The following MOGAT1 variants were observed in gnomAD, a reference collection of about 807,000 sequenced individuals.
MOGAT1 encodes 2-acylglycerol O-acyltransferase 1.
Under a neutral mutation model 31.4 loss-of-function variants are expected in MOGAT1, and 32 were observed. The observed-to-expected ratio is 1.02, with a 90% confidence interval of 0.77 to 1.37. The LOEUF is 1.37. Ranked by LOEUF, MOGAT1 falls within the 40% of genes most tolerant of loss-of-function variation. MOGAT1 has a pLI of 0.00. For synonymous variants in MOGAT1, 145 were observed against 144.5 expected, an observed-to-expected ratio of 1.00 and a Z score of -0.03; for missense variants, 426 against 402.0, an observed-to-expected ratio of 1.06 and a Z score of -0.51.
chr2:222,685,792 G>T (rs1241017134), intron 1 of MOGAT1, among the ~76,000 whole-genome samples: 1 of 151,598 alleles, frequency 6.6e-6, no homozygotes, highest in Non-Finnish European at 1.5e-5. Flanking sequence ...GTAGAGACAG[G>T]GTTTCTCCAT....
chr2:222,706,471 TAA>T (rs11455554), intron 5 of MOGAT1, among the ~76,000 whole-genome samples: 2 of 139,818 alleles, frequency 1.4e-5, no homozygotes, highest in Non-Finnish European at 3.1e-5. Flanking sequence ...AAACTCTGTA[TAA>T]AAAAAAAAAA....
In MOGAT1 at chr2:222,709,919, A is replaced by T. The variant is rs566547762; in HGVS notation, c.*29A>T. The T allele has an allele frequency of 3.4e-6, 5 of 1,491,228 alleles. No individual in the cohort carries two copies. The African/African-American group carries it at 7.1e-5, about 21-fold the overall frequency. 92.4% of individuals were successfully genotyped at this position (1,491,228 alleles called of 1,614,324 possible). The stretch of plus-strand genomic sequence containing the variant: ...GACTATAAAAAAAAATTAAAAAATA[A>T]AAATAAATGACTTGGCTGTAATAAG... On this transcript the variant is annotated 3_prime_UTR_variant, in exon 6 of 6. Transcript: ENST00000446656.
At chr2:222,706,628 G>A (rs1266795335) in intron 5 of MOGAT1, among the ~76,000 whole-genome samples, 3 of 152,156 alleles carry the variant, frequency 2.0e-5, no homozygotes, top group Non-Finnish European at 2.9e-5. Context: ...CAGAATGTAC[G>A]AGTACTAGCT....
intron 5 of MOGAT1, among the ~76,000 whole-genome samples, chr2:222,708,922 C>T (rs762204629): frequency 3.3e-5 from 5 of 152,084 alleles, no homozygotes; most frequent in Non-Finnish European, 7.4e-5. Context: ...TCTATTGAGA[C>T]GTTAGCTGTT....
intron 5 of MOGAT1, among the ~76,000 whole-genome samples, chr2:222,702,588 C>G (rs1157791032): frequency 1.3e-5 from 2 of 151,800 alleles, no homozygotes; most frequent in African/African-American, 4.8e-5. Context: ...TAGGCAAGTG[C>G]TTATTGTATT....
Position 222,692,959 on chromosome 2 carries a change from C to A in MOGAT1, c.479-1403C>A, listed in dbSNP as rs549555715. Among the ~76,000 whole-genome samples, 7 of 152,300 alleles carry A rather than the reference C, an allele frequency of 4.6e-5. No homozygotes were observed. In the East Asian group the frequency reaches 9.7e-4, roughly 21 times the overall value. On this transcript the variant is annotated intron_variant, in intron 3 of 5. Transcript: ENST00000446656. ...CAGTGAAGGTTCAAACCCATCTAGG[C>A]AGGCTCAGGCTCTCTACCTCTAACC... is the stretch of plus-strand genomic sequence containing the variant.
chr2:222,689,378 C>T lies in MOGAT1; in HGVS notation c.387C>T (p.Phe129=). 1 of 1,614,018 alleles carries T rather than the reference C, an allele frequency of 6.2e-7. No individual in the cohort carries two copies. Among genetic ancestry groups the T allele is most frequent in the South Asian group, 1.1e-5 (1 of 91,082 alleles). ...ATTTTTCTGTAAATTATTCTGACTT[C>T]AAGGACCTGTTTCCTGGCTTTACTT... ...FGNFSVNYSD[F]KDLFPGFTSY... The change falls in exon 3 of 6, where the codon TTC becomes TTT. Residue 129 remains phenylalanine (F), a synonymous_variant. Transcript: ENST00000446656.
intron 5 of MOGAT1, among the ~76,000 whole-genome samples, chr2:222,698,015 C>T (rs528469122): frequency 7.9e-5 from 12 of 152,140 alleles, no homozygotes; most frequent in Non-Finnish European, 1.5e-4. Flanking sequence ...TTATCAGACT[C>T]TTAATGGACA....
intron 5 of MOGAT1, among the ~76,000 whole-genome samples, chr2:222,696,291 G>C (rs1250312526): frequency 6.6e-6 from 1 of 152,216 alleles, no homozygotes; most frequent in Non-Finnish European, 1.5e-5. Context: ...CCAGTAGTGG[G>C]ATTGCTAGAT....
chr2:222,697,878 CT>C lies in MOGAT1; in HGVS notation c.853+2601del, dbSNP rs370628735. Among the ~76,000 whole-genome samples, 428 of 147,102 alleles carry C rather than the reference CT, an allele frequency of 2.9e-3. 2 individuals carry two copies. The highest frequency in any genetic ancestry group is 8.7e-3 in the African/African-American group (351 of 40,384). ...GCGTGAGCCACCGCCTGTACAGAAT[CT>C]TTTTTTTTTTCCTTCAGGTCAGATG... On this transcript the variant is annotated intron_variant, in intron 5 of 5. Coordinates refer to ENST00000446656, the MANE Select transcript of MOGAT1 (RefSeq NM_058165.3).
At position 222,694,364 on chromosome 2, in the gene MOGAT1, C is replaced by T. The variant is rs753902900; in HGVS notation, c.481C>T (p.Leu161=). Residue 161 remains leucine (L), a splice_region_variant and synonymous_variant, in exon 4 of 6, where the codon CTG becomes TTG. Coordinates refer to ENST00000446656, the MANE Select transcript of MOGAT1 (RefSeq NM_058165.3). The part of the protein sequence containing the change: ...VFREYVMSVG[L]VSVSKKSVSY... ...TACTTTTTGTTTTATTCACTAAGGG[C>T]TGGTTTCAGTTTCCAAGAAAAGTGT... 6.2e-7 allele frequency: 1 copy of T among 1,604,484 alleles called. No homozygotes were observed. The highest frequency in any genetic ancestry group is 1.3e-5 in the African/African-American group (1 of 74,718).
Position 222,688,407 on chromosome 2 carries a change from C to T in MOGAT1, c.158C>T (p.Pro53Leu), listed in dbSNP as rs749189713. ...CACAACTATTTGTTCCTTTACATCC[C>T]TTATTTGATGTGGCTTTACTTTGAC... ...IIHNYLFLYI[P>L]YLMWLYFDWH... Residue 53 changes from proline (P) to leucine (L), a missense_variant, in exon 2 of 6, where the codon CCT becomes CTT. Physicochemically the swap from Pro to Leu is moderately conservative, Grantham distance 98. Coordinates refer to ENST00000446656, the MANE Select transcript of MOGAT1 (RefSeq NM_058165.3). 6.2e-7 allele frequency: 1 copy of T among 1,613,532 alleles called. No individual in the cohort carries two copies. The highest frequency in any genetic ancestry group is 8.5e-7 in the Non-Finnish European group (1 of 1,179,670).
intron 5 of MOGAT1, among the ~76,000 whole-genome samples, chr2:222,705,304 C>T (rs974661042): frequency 2.6e-5 from 4 of 152,296 alleles, no homozygotes; most frequent in Non-Finnish European, 5.9e-5. Context: ...CCTCCTATCT[C>T]ATCCTATGAC....
intron 3 of MOGAT1, among the ~76,000 whole-genome samples, chr2:222,690,646 T>C (rs1448879253): frequency 6.6e-6 from 1 of 152,240 alleles, no homozygotes; most frequent in African/African-American, 2.4e-5. Context: ...ACTGTCATTA[T>C]ATACCTGGTA....
intron 2 of MOGAT1, 51 bp from the exon 3 acceptor site, chr2:222,689,214 A>C: frequency 7.0e-7 from 1 of 1,431,164 alleles, no homozygotes; most frequent in Non-Finnish European, 9.5e-7. Flanking sequence ...TCATTGGAAA[A>C]TAATAAGGGA....
chr2:222,678,866 G>A (rs566588766), intron 1 of MOGAT1, among the ~76,000 whole-genome samples: 2 of 152,270 alleles, frequency 1.3e-5, no homozygotes, highest in South Asian at 4.1e-4. Flanking sequence ...GCTTGAACCC[G>A]GGAGGTGGAG....
In MOGAT1 at chr2:222,678,558, T is replaced by G. The variant is rs77508226; in HGVS notation, c.94+6679T>G. ...TTATCCTTTCAATCTCTTAACAATG[T>G]CTTTTGAAGAGCAGAAGTTTTAATT... On this transcript the variant is annotated intron_variant, in intron 1 of 5. Transcript: ENST00000446656. Among the ~76,000 whole-genome samples, 1,133 of 152,350 alleles carry G rather than the reference T, an allele frequency of 7.4e-3. 16 individuals carry two copies. Among genetic ancestry groups the G allele is most frequent in the African/African-American group, 0.025 (1,050 of 41,586 alleles).
At chr2:222,699,706 G>C (rs578092352) in intron 5 of MOGAT1, among the ~76,000 whole-genome samples, 1 of 151,820 alleles carries the variant, frequency 6.6e-6, no homozygotes, top group South Asian at 2.1e-4. Flanking sequence ...CACTGTGTTA[G>C]CCAGGATGGT....
At chr2:222,692,141 G>A (rs1489531062) in intron 3 of MOGAT1, among the ~76,000 whole-genome samples, 5 of 152,186 alleles carry the variant, frequency 3.3e-5, no homozygotes, top group Non-Finnish European at 5.9e-5. Context: ...AGCTTGGAAC[G>A]TGGTTACAGG....
Sources: gnomAD v4.1 joint callset for allele counts (sites outside exome capture counted in the v4.1 genomes callset) on GRCh38, gnomAD v4.1.1 for gene constraint, MANE v1.5 for transcripts, NCBI Gene and HGNC (gene_info 2026-07-23, HGNC 2026-07-21) for gene names.